The following GPATCH2 variants were observed in gnomAD, a reference collection of about 807,000 sequenced individuals.
GPATCH2 encodes the protein G-patch domain containing 2, also known as G patch domain-containing protein 2.
A neutral mutation model predicts 58.0 loss-of-function variants in GPATCH2; 51 were observed. The ratio of observed to expected loss-of-function variants is 0.88; its 90% CI spans 0.70 to 1.11. GPATCH2 has a LOEUF of 1.11. GPATCH2 is among the 50% of genes most tolerant of loss of function. The probability of loss-of-function intolerance (pLI) is 0.00; values close to 1 mark genes in which losing one functional copy is unlikely to be tolerated. For synonymous variants in GPATCH2, 222 were observed against 218.5 expected (o/e 1.02, Z -0.14); for missense variants, 625 against 652.2 (o/e 0.96, Z 0.45).
At position 217,447,480 on chromosome 1, in the gene GPATCH2, G is replaced by A. The variant is rs934902952; in HGVS notation, c.1366+1769C>T. Among the ~76,000 whole-genome samples, 20 of 152,072 alleles carry A rather than the reference G, an allele frequency of 1.3e-4. No homozygotes were observed. The East Asian group carries it at 1.5e-3, about 12-fold the overall frequency. ...TAGGTAGCTAACCTAACACTTCTTT[G>A]CATCTTCATTTTATGATCTGTAAGG... is the stretch of plus-strand genomic sequence containing the variant. On this transcript the variant is annotated intron_variant, in intron 9 of 9. Transcript: ENST00000366935.
intron 6 of GPATCH2, among the ~76,000 whole-genome samples, chr1:217,505,812 T>A (rs1329121293): frequency 6.6e-6 from 1 of 152,142 alleles, no homozygotes; most frequent in Non-Finnish European, 1.5e-5. Flanking sequence ...CTTTATTCAA[T>A]TAATTAATTT....
intron 5 of GPATCH2, chr1:217,608,157 G>C (rs759749935): frequency 4.6e-6 from 2 of 431,178 alleles, no homozygotes; most frequent in Admixed American, 6.4e-5. Context: ...AATGAAATCA[G>C]AGAAATAGCA....
intron 5 of GPATCH2, among the ~76,000 whole-genome samples, chr1:217,568,863 G>A (rs559972134): frequency 9.9e-4 from 150 of 152,250 alleles, no homozygotes; most frequent in Middle Eastern, 6.8e-3. Flanking sequence ...ACAACAGACC[G>A]TAGAGAGCAA....
At chr1:217,559,306 C>A in intron 5 of GPATCH2, among the ~76,000 whole-genome samples, 1 of 151,136 alleles carries the variant, frequency 6.6e-6, no homozygotes, top group South Asian at 2.1e-4. Context: ...CATTCTAAAG[C>A]ATAAACATAT....
At chr1:217,472,150 T>C (rs1660748506) in intron 8 of GPATCH2, among the ~76,000 whole-genome samples, 1 of 152,136 alleles carries the variant, frequency 6.6e-6, no homozygotes, top group Non-Finnish European at 1.5e-5. Flanking sequence ...TGAATAAAGC[T>C]GCCACAAATG....
chr1:217,608,149 T>G, intron 5 of GPATCH2: 3 of 367,602 alleles, frequency 8.2e-6, no homozygotes, highest in Non-Finnish European at 1.1e-5. Flanking sequence ...ACTTAGCAAA[T>G]GAAATCAGAG....
At chr1:217,616,550 T>C (rs995288441) in intron 2 of GPATCH2, among the ~76,000 whole-genome samples, 1 of 152,190 alleles carries the variant, frequency 6.6e-6, no homozygotes. Flanking sequence ...GGCATGCATG[T>C]ATACAACATG....
intron 5 of GPATCH2, among the ~76,000 whole-genome samples, chr1:217,583,438 G>A (rs1291139357): frequency 2.0e-5 from 3 of 151,776 alleles, no homozygotes; most frequent in Non-Finnish European, 4.4e-5. Context: ...GGTGGTGGTG[G>A]CACGTGCCTG....
intron 8 of GPATCH2, among the ~76,000 whole-genome samples, chr1:217,489,735 G>T (rs1296413201): frequency 6.6e-6 from 1 of 152,202 alleles, no homozygotes; most frequent in Non-Finnish European, 1.5e-5. Context: ...GGCGGCACAT[G>T]CCTGTAATCC....
At chr1:217,592,586 GAATC>G in intron 5 of GPATCH2, among the ~76,000 whole-genome samples, 1 of 152,012 alleles carries the variant, frequency 6.6e-6, no homozygotes, top group East Asian at 1.9e-4. Context: ...AAATGTTCAT[GAATC>G]ATTTATCGAA....
At chr1:217,615,347 A>T (rs906983873) in intron 2 of GPATCH2, among the ~76,000 whole-genome samples, 35 of 152,132 alleles carry the variant, frequency 2.3e-4, no homozygotes, top group Admixed American at 2.3e-3. Context: ...ACCTCTCTCT[A>T]GCTTTCTTCC....
intron 5 of GPATCH2, among the ~76,000 whole-genome samples, chr1:217,557,653 A>G (rs916048337): frequency 6.6e-6 from 1 of 152,174 alleles, no homozygotes; most frequent in Non-Finnish European, 1.5e-5. Context: ...ATAACTGATT[A>G]TCTCTTCATC....
At chr1:217,482,174 C>A (rs985667277) in intron 8 of GPATCH2, among the ~76,000 whole-genome samples, 3 of 152,140 alleles carry the variant, frequency 2.0e-5, no homozygotes, top group African/African-American at 7.2e-5. Flanking sequence ...GTACTCTACT[C>A]CTTAGATTTC....
chr1:217,543,370 C>T (rs7518892), intron 5 of GPATCH2, among the ~76,000 whole-genome samples: 2,243 of 150,062 alleles, frequency 0.015, 64 homozygotes, highest in African/African-American at 0.051. Context: ...CCCAGGTTCA[C>T]GCCATTCTCC....
Position 217,630,998 on chromosome 1 carries a change from A to G in GPATCH2, c.-27T>C. On this transcript the variant is annotated 5_prime_UTR_variant, in exon 1 of 10. Transcript: ENST00000366935. The stretch of plus-strand genomic sequence containing the variant: ...AACGACACCCGGGAGCCTGGCCTCG[A>G]AGCTCAGGCCCGTGAACAGACTCCA... 2 of 1,573,522 alleles carry G rather than the reference A, an allele frequency of 1.3e-6. No individual in the cohort carries two copies. Among genetic ancestry groups the G allele is most frequent in the Non-Finnish European group, 1.7e-6 (2 of 1,164,054 alleles).
At chr1:217,433,424 T>G in intron 9 of GPATCH2, among the ~76,000 whole-genome samples, 1 of 149,502 alleles carries the variant, frequency 6.7e-6, no homozygotes. Flanking sequence ...TTTGGCAGAG[T>G]CTCACTCTGT....
chr1:217,601,934 AC>A (rs1174358197), intron 5 of GPATCH2, among the ~76,000 whole-genome samples: 1 of 152,152 alleles, frequency 6.6e-6, no homozygotes, highest in African/African-American at 2.4e-5. Context: ...TACTGGTATT[AC>A]CTAGTATCAA....
At chr1:217,543,268 C>CA (rs1558471552) in intron 5 of GPATCH2, among the ~76,000 whole-genome samples, 2 of 132,022 alleles carry the variant, frequency 1.5e-5, no homozygotes, top group Non-Finnish European at 3.2e-5. Flanking sequence ...ATGATGCGAA[C>CA]GTTTTTTTTT....
rs1667420270 is a variant in GPATCH2 at position 217,588,055 on chromosome 1, G to A, written c.1098+22266C>T. ...TCTAGACAGGTGACTAGGAGATAAT[G>A]GTATTAGTGTATATGGAATATATAT... On this transcript the variant is annotated intron_variant, in intron 5 of 9. Transcript: ENST00000366935. Among the ~76,000 whole-genome samples, 5 of 152,064 alleles carry A rather than the reference G, an allele frequency of 3.3e-5. No individual in the cohort carries two copies. In the South Asian group the frequency reaches 1.0e-3, roughly 32 times the overall value.
Sources: allele counts gnomAD v4.1 joint callset (sites outside exome capture counted in the v4.1 genomes callset), GRCh38; gene constraint gnomAD v4.1.1; transcripts MANE v1.5; gene names NCBI Gene and HGNC (gene_info 2026-07-23, HGNC 2026-07-21).